The following CTIF variants were observed in gnomAD, a reference collection of about 807,000 sequenced individuals.
CTIF encodes CBP80/20-dependent translation initiation factor.
In CTIF, 21 loss-of-function variants were observed where a neutral mutation model predicts 66.0. The observed-to-expected ratio is 0.32, with a 90% CI of 0.23 to 0.46. CTIF has a LOEUF of 0.46. Ranked by LOEUF, CTIF falls within the 20% of genes least tolerant of loss-of-function variation. CTIF has a pLI of 1.00. For missense variants in CTIF, 739 were observed against 812.7 expected (o/e 0.91, Z 1.10); for synonymous variants, 345 against 326.4 (o/e 1.06, Z -0.62).
At chr18:48,678,073 A>AAGGAGGGACGATGAGG (rs2091665629) in intron 6 of CTIF, among the ~76,000 whole-genome samples, 2 of 152,134 alleles carry the variant, frequency 1.3e-5, no homozygotes, top group African/African-American at 4.8e-5. Context: ...ACCTCTTTCT[A>AAGGAGGGACGATGAGG]AGGAGGGACG....
intron 1 of CTIF, among the ~76,000 whole-genome samples, chr18:48,587,856 T>C (rs1407068736): frequency 1.3e-5 from 2 of 152,252 alleles, no homozygotes; most frequent in African/African-American, 4.8e-5. Flanking sequence ...AATTTCTACC[T>C]GATTTATGCT....
intron 9 of CTIF, among the ~76,000 whole-genome samples, chr18:48,802,034 A>G (rs952834392): frequency 2.0e-5 from 3 of 152,154 alleles, no homozygotes; most frequent in African/African-American, 7.2e-5. Context: ...TGTTTGCGTC[A>G]CTCTGTCACC....
intron 7 of CTIF, among the ~76,000 whole-genome samples, chr18:48,732,640 A>G (rs62105205): frequency 0.14 from 21,650 of 152,238 alleles, 1,716 homozygotes; most frequent in South Asian, 0.2. Flanking sequence ...TCGGCAGCCC[A>G]TCCTTCCCCA....
At chr18:48,594,404 G>A (rs1169469687) in intron 1 of CTIF, among the ~76,000 whole-genome samples, 1 of 138,396 alleles carries the variant, frequency 7.2e-6, no homozygotes, top group African/African-American at 2.7e-5. Flanking sequence ...AGTTGTTGAA[G>A]CATGGATCTG....
intron 10 of CTIF, among the ~76,000 whole-genome samples, chr18:48,834,085 G>A (rs2068755585): frequency 6.6e-6 from 1 of 151,256 alleles, no homozygotes; most frequent in Non-Finnish European, 1.5e-5. Context: ...CTGTAGATGA[G>A]GGTCGGCAAA....
At chr18:48,634,854 G>A (rs2090784098) in intron 2 of CTIF, among the ~76,000 whole-genome samples, 1 of 152,220 alleles carries the variant, frequency 6.6e-6, no homozygotes, top group Admixed American at 6.5e-5. Context: ...CATCCAAACT[G>A]AGGTGTGCTC....
chr18:48,711,553 T>C, intron 6 of CTIF, 66 bp from the exon 7 acceptor site: 1 of 1,285,084 alleles, frequency 7.8e-7, no homozygotes, highest in South Asian at 1.2e-5. Flanking sequence ...CTTAGTGCAG[T>C]CCCAGAGGTG....
intron 9 of CTIF, among the ~76,000 whole-genome samples, chr18:48,778,645 G>A (rs753812444): frequency 1.1e-4 from 16 of 152,222 alleles, no homozygotes; most frequent in Admixed American, 2.6e-4. Context: ...ATCAACCACC[G>A]TGGGACTGTG....
chr18:48,817,142 A>G (rs2068381002), intron 9 of CTIF, 79 bp from the exon 10 acceptor site: 2 of 1,427,840 alleles, frequency 1.4e-6, no homozygotes, highest in Admixed American at 3.9e-5. Context: ...CCAAGACAAC[A>G]GATGCTCTGC....
At chr18:48,809,096 T>C (rs1390947159) in intron 9 of CTIF, among the ~76,000 whole-genome samples, 4 of 152,252 alleles carry the variant, frequency 2.6e-5, no homozygotes, top group Non-Finnish European at 5.9e-5. Flanking sequence ...TATAGAATTC[T>C]TGCATATTTC....
At chr18:48,688,577 A>G (rs1331822365) in intron 6 of CTIF, among the ~76,000 whole-genome samples, 1 of 152,194 alleles carries the variant, frequency 6.6e-6, no homozygotes, top group Non-Finnish European at 1.5e-5. Context: ...AAACCATCCT[A>G]AACACGTCCT....
At chr18:48,703,634 CTG>C (rs1354827541) in intron 6 of CTIF, among the ~76,000 whole-genome samples, 1 of 152,220 alleles carries the variant, frequency 6.6e-6, no homozygotes, top group African/African-American at 2.4e-5. Context: ...GATCATGAGA[CTG>C]TCAGGAAGAT....
chr18:48,727,592 C>T (rs2092397125), intron 7 of CTIF, among the ~76,000 whole-genome samples: 4 of 152,164 alleles, frequency 2.6e-5, no homozygotes, highest in Admixed American at 2.6e-4. Flanking sequence ...GAGTCTGTTC[C>T]ACCAAATAAA....
At chr18:48,689,907 T>A (rs957757551) in intron 6 of CTIF, among the ~76,000 whole-genome samples, 1 of 152,198 alleles carries the variant, frequency 6.6e-6, no homozygotes, top group African/African-American at 2.4e-5. Context: ...TGAGCCCCTC[T>A]GCCCTAAGGT....
At chr18:48,668,519 C>T (rs1002841034) in intron 5 of CTIF, among the ~76,000 whole-genome samples, 3 of 152,166 alleles carry the variant, frequency 2.0e-5, no homozygotes, top group Non-Finnish European at 2.9e-5. Flanking sequence ...TGGGGACAGC[C>T]GGGGGCCGGG....
intron 10 of CTIF, among the ~76,000 whole-genome samples, chr18:48,853,359 G>T (rs1469613001): frequency 6.6e-6 from 1 of 152,166 alleles, no homozygotes; most frequent in Admixed American, 6.5e-5. Flanking sequence ...GGATGAGGGA[G>T]TGAGGTCTGT....
intron 7 of CTIF, among the ~76,000 whole-genome samples, chr18:48,730,607 T>G (rs143115170): frequency 0.22 from 724 of 3,230 alleles, 204 homozygotes; most frequent in African/African-American, 0.26. Context: ...GGGCTTCTGC[T>G]GTGTGAGGGG....
intron 2 of CTIF, among the ~76,000 whole-genome samples, chr18:48,626,423 C>G (rs996775339): frequency 9.9e-5 from 15 of 152,162 alleles, no homozygotes; most frequent in Non-Finnish European, 1.9e-4. Context: ...TCTCGGCTCA[C>G]TGCAACCTCT....
chr18:48,635,341 T>C (rs2090798162), intron 2 of CTIF, among the ~76,000 whole-genome samples: 1 of 149,808 alleles, frequency 6.7e-6, no homozygotes, highest in Middle Eastern at 3.2e-3. Flanking sequence ...TTTTTTTTTT[T>C]TTTTTGAGGC....
Sources: gnomAD v4.1 joint callset for allele counts (sites outside exome capture counted in the v4.1 genomes callset) on GRCh38, gnomAD v4.1.1 for gene constraint, MANE v1.5 for transcripts, NCBI Gene and HGNC (gene_info 2026-07-23, HGNC 2026-07-21) for gene names.